The following STK38L variants were observed in gnomAD, a reference collection of about 807,000 sequenced individuals.
STK38L encodes serine/threonine kinase 38 like.
STK38L carries 28 observed loss-of-function variants against 59.7 expected under a neutral mutation model. The observed-to-expected ratio is 0.47, with a 90% CI of 0.35 to 0.64. STK38L has a LOEUF of 0.64. Ranked by LOEUF, STK38L falls within the 30% of genes least tolerant of loss-of-function variation. The pLI, the probability that STK38L is intolerant of heterozygous loss-of-function variation, is 0.01. For missense variants in STK38L, 314 were observed against 555.8 expected, an observed-to-expected ratio of 0.56 and a Z score of 4.37; for synonymous variants, 162 against 176.8, an observed-to-expected ratio of 0.92 and a Z score of 0.66.
intron 1 of STK38L, among the ~76,000 whole-genome samples, chr12:27,273,541 T>G (rs1162383405): frequency 6.6e-6 from 1 of 152,228 alleles, no homozygotes; most frequent in East Asian, 1.9e-4. Context: ...TATAAAGTAT[T>G]AAGCATATTA....
At chr12:27,291,139 A>G (rs2136633908) in intron 1 of STK38L, among the ~76,000 whole-genome samples, 1 of 152,202 alleles carries the variant, frequency 6.6e-6, no homozygotes, top group African/African-American at 2.4e-5. Flanking sequence ...AAACTCAATA[A>G]ATATTCTTTA....
At chr12:27,263,621 C>A (rs1943246722) in intron 1 of STK38L, among the ~76,000 whole-genome samples, 2 of 152,158 alleles carry the variant, frequency 1.3e-5, no homozygotes, top group Non-Finnish European at 2.9e-5. Flanking sequence ...TAGGATGGAG[C>A]TTTGACTTGC....
intron 10 of STK38L, 129 bp downstream of exon 10, chr12:27,317,582 T>C: frequency 1.2e-6 from 1 of 822,460 alleles, no homozygotes; most frequent in Non-Finnish European, 1.9e-6. Flanking sequence ...GTTCCCCCAA[T>C]GTTAAATACA....
intron 1 of STK38L, among the ~76,000 whole-genome samples, chr12:27,273,560 A>C (rs929885362): frequency 3.3e-5 from 5 of 152,232 alleles, no homozygotes; most frequent in African/African-American, 9.6e-5. Context: ...TACCTACCAC[A>C]TAATTAATGT....
At chr12:27,244,856 G>A (rs992742080) in intron 1 of STK38L, among the ~76,000 whole-genome samples, 6 of 152,208 alleles carry the variant, frequency 3.9e-5, no homozygotes, top group Non-Finnish European at 8.8e-5. Context: ...AGAAGCCACG[G>A]AGTGCTCAAA....
At chr12:27,257,046 A>G (rs775200034) in intron 1 of STK38L, among the ~76,000 whole-genome samples, 25 of 152,202 alleles carry the variant, frequency 1.6e-4, no homozygotes, top group Non-Finnish European at 1.5e-4. Flanking sequence ...TTTTCTGAAC[A>G]TTTTCCAGAA....
At chr12:27,271,620 A>G (rs1279559837) in intron 1 of STK38L, among the ~76,000 whole-genome samples, 1 of 152,216 alleles carries the variant, frequency 6.6e-6, no homozygotes, top group Admixed American at 6.5e-5. Flanking sequence ...TGTGCAGTTG[A>G]GATAGAGCCA....
chr12:27,246,629 A>G (rs1942858991), intron 1 of STK38L, among the ~76,000 whole-genome samples: 1 of 152,192 alleles, frequency 6.6e-6, no homozygotes, highest in Non-Finnish European at 1.5e-5. Flanking sequence ...ACTTTTTTAA[A>G]AAATTAAAAA....
At chr12:27,262,668 G>A (rs1943224148) in intron 1 of STK38L, among the ~76,000 whole-genome samples, 2 of 146,956 alleles carry the variant, frequency 1.4e-5, no homozygotes, top group Admixed American at 1.4e-4. Flanking sequence ...TGGCACCACT[G>A]CACTCCAGCC....
chr12:27,258,961 C>A (rs1431608131), intron 1 of STK38L, among the ~76,000 whole-genome samples: 1 of 56,286 alleles, frequency 1.8e-5, no homozygotes, highest in Admixed American at 1.4e-4. Context: ...GTTACTCAGC[C>A]CATCTCTCTT....
intron 1 of STK38L, among the ~76,000 whole-genome samples, chr12:27,283,501 C>A (rs921348510): frequency 1.3e-5 from 2 of 152,176 alleles, no homozygotes; most frequent in African/African-American, 2.4e-5. Flanking sequence ...GATAAGAACA[C>A]TGACACCCTG....
At chr12:27,262,999 A>T (rs1943233643) in intron 1 of STK38L, among the ~76,000 whole-genome samples, 1 of 151,978 alleles carries the variant, frequency 6.6e-6, no homozygotes, top group Non-Finnish European at 1.5e-5. Context: ...GGGTTTCTCC[A>T]CATTGGCCAG....
At chr12:27,272,767 T>C (rs1189805596) in intron 1 of STK38L, among the ~76,000 whole-genome samples, 1 of 152,074 alleles carries the variant, frequency 6.6e-6, no homozygotes, top group Non-Finnish European at 1.5e-5. Flanking sequence ...ACACACACAG[T>C]GCAGCAGAGA....
intron 1 of STK38L, among the ~76,000 whole-genome samples, chr12:27,246,537 A>G (rs1399159029): frequency 2.6e-5 from 4 of 152,262 alleles, no homozygotes; most frequent in Non-Finnish European, 5.9e-5. Flanking sequence ...TGACATATGC[A>G]GAAATTATGC....
intron 3 of STK38L, among the ~76,000 whole-genome samples, chr12:27,307,330 A>G (rs1440211885): frequency 6.6e-6 from 1 of 152,224 alleles, no homozygotes; most frequent in African/African-American, 2.4e-5. Flanking sequence ...TCAGAATTCC[A>G]TTGCATTGAT....
At position 27,308,095 on chromosome 12, in the gene STK38L, C is replaced by CAT. The variant is rs60309554; in HGVS notation, c.187-230_187-229dup. 0.31 allele frequency among the ~76,000 whole-genome samples: 47,115 copies of CAT among 149,750 alleles called. 7,955 individuals are homozygous for CAT. The highest frequency in any genetic ancestry group is 0.66 in the East Asian group (3,391 of 5,126). ...CATATAGATGAAAGAATAAGTTATA[C>CAT]ATATATATATATATAGACAAATATG... On this transcript the variant is annotated intron_variant, in intron 3 of 13. Coordinates refer to ENST00000389032, the MANE Select transcript of STK38L (RefSeq NM_015000.4). This position sits in a 1 kb window ranked among gnomAD's most constrained non-coding sequence, Gnocchi z 4.5.
chr12:27,286,507 C>A (rs1270484622), intron 1 of STK38L, among the ~76,000 whole-genome samples: 1 of 152,048 alleles, frequency 6.6e-6, no homozygotes, highest in African/African-American at 2.4e-5. Context: ...CATTATTTTT[C>A]ATGTTAAAAT....
intron 1 of STK38L, among the ~76,000 whole-genome samples, chr12:27,294,253 C>T (rs2136636161): frequency 6.6e-6 from 1 of 151,686 alleles, no homozygotes; most frequent in Non-Finnish European, 1.5e-5. Flanking sequence ...GGCAAGGTGG[C>T]TTGTACCTGT....
chr12:27,303,795 C>A (rs899125998), intron 3 of STK38L, among the ~76,000 whole-genome samples: 2 of 151,754 alleles, frequency 1.3e-5, no homozygotes, highest in African/African-American at 2.4e-5. Flanking sequence ...GGGATGTATA[C>A]AAAATAATGA....
Sources: allele counts gnomAD v4.1 joint callset (sites outside exome capture counted in the v4.1 genomes callset), GRCh38; gene constraint gnomAD v4.1.1; non-coding constraint Gnocchi (gnomAD v3.1); transcripts MANE v1.5; gene names NCBI Gene and HGNC (gene_info 2026-07-23, HGNC 2026-07-21).